Variants in ZFAND3 observed in about 807,000 individuals in gnomAD.
ZFAND3 encodes AN1-type zinc finger protein 3.
A neutral mutation model predicts 29.6 loss-of-function variants in ZFAND3; 10 were observed. The observed-to-expected ratio is 0.34, with a 90% CI of 0.21 to 0.57. The LOEUF (loss-of-function observed/expected upper bound fraction) is 0.57, where lower values mean the gene tolerates loss of function less well. ZFAND3 is among the 20% of genes least tolerant of loss of function. The pLI, the probability that ZFAND3 is intolerant of heterozygous loss-of-function variation, is 0.86. For synonymous variants in ZFAND3, 128 were observed against 112.6 expected, an observed-to-expected ratio of 1.14 and a Z score of -0.87; for missense variants, 230 against 304.5, an observed-to-expected ratio of 0.76 and a Z score of 1.82.
intron 4 of ZFAND3, among the ~76,000 whole-genome samples, chr6:38,089,121 C>CT (rs141133204): frequency 0.032 from 4,866 of 151,948 alleles, 205 homozygotes; most frequent in African/African-American, 0.094. Flanking sequence ...TGACTCACTT[C>CT]TTTTTTTATT....
At chr6:37,954,545 T>C (rs1199896662) in intron 2 of ZFAND3, among the ~76,000 whole-genome samples, 1 of 152,214 alleles carries the variant, frequency 6.6e-6, no homozygotes, top group Non-Finnish European at 1.5e-5. Flanking sequence ...GTCTCCCGTC[T>C]AGCTTTTTGC....
intron 2 of ZFAND3, among the ~76,000 whole-genome samples, chr6:37,975,796 ATAAT>A (rs1762467823): frequency 6.6e-6 from 1 of 152,158 alleles, no homozygotes. Context: ...AAACTTTATA[ATAAT>A]TCTTGAAATC....
At chr6:37,836,972 T>C (rs1368690301) in intron 1 of ZFAND3, among the ~76,000 whole-genome samples, 1 of 152,212 alleles carries the variant, frequency 6.6e-6, no homozygotes. Context: ...TATAAATATT[T>C]AGATGTCTTT....
At chr6:38,016,367 A>G (rs1235944637) in intron 2 of ZFAND3, among the ~76,000 whole-genome samples, 2 of 152,206 alleles carry the variant, frequency 1.3e-5, no homozygotes, top group Non-Finnish European at 2.9e-5. Context: ...GAACCATGGG[A>G]CGATATGTTA....
At chr6:37,954,789 T>A (rs1206239654) in intron 2 of ZFAND3, among the ~76,000 whole-genome samples, 1 of 152,236 alleles carries the variant, frequency 6.6e-6, no homozygotes, top group East Asian at 1.9e-4. Flanking sequence ...CTTGAATTTA[T>A]TATTTGTTAG....
intron 2 of ZFAND3, among the ~76,000 whole-genome samples, chr6:38,001,067 T>C (rs768352008): frequency 6.6e-6 from 1 of 152,214 alleles, no homozygotes; most frequent in Non-Finnish European, 1.5e-5. Flanking sequence ...GGTTGAAGAA[T>C]GCAGGGTAAT....
chr6:37,838,400 A>G (rs1296927086), intron 1 of ZFAND3, among the ~76,000 whole-genome samples: 2 of 152,204 alleles, frequency 1.3e-5, no homozygotes, highest in Non-Finnish European at 2.9e-5. Flanking sequence ...AACCATCACT[A>G]CTGTCTTAAT....
chr6:38,145,921 C>T (rs866291559), intron 5 of ZFAND3, among the ~76,000 whole-genome samples: 36 of 152,346 alleles, frequency 2.4e-4, no homozygotes, highest in African/African-American at 5.1e-4. Flanking sequence ...AAAACTGCCT[C>T]CTGCTTTTCT....
intron 2 of ZFAND3, among the ~76,000 whole-genome samples, chr6:37,956,399 A>G (rs1295251183): frequency 6.6e-6 from 1 of 152,196 alleles, no homozygotes; most frequent in Non-Finnish European, 1.5e-5. Flanking sequence ...AAGTAAATAG[A>G]ACACAAAGGA....
intron 2 of ZFAND3, among the ~76,000 whole-genome samples, chr6:37,938,275 A>G (rs11757359): frequency 0.067 from 10,204 of 152,304 alleles, 407 homozygotes; most frequent in Non-Finnish European, 0.085. Flanking sequence ...ATTAATGTCT[A>G]GATTTACCTA....
intron 1 of ZFAND3, among the ~76,000 whole-genome samples, chr6:37,896,416 T>A (rs1450802884): frequency 1.3e-5 from 2 of 152,138 alleles, no homozygotes; most frequent in Non-Finnish European, 2.9e-5. Flanking sequence ...TATTGTACCA[T>A]GGTATTTTAT....
At chr6:38,071,716 A>G (rs938532649) in intron 3 of ZFAND3, among the ~76,000 whole-genome samples, 4 of 152,126 alleles carry the variant, frequency 2.6e-5, no homozygotes, top group African/African-American at 7.2e-5. Context: ...ACCTTCTTCT[A>G]TGTTCTTGGC....
At chr6:38,062,983 G>C (rs992432065) in intron 3 of ZFAND3, among the ~76,000 whole-genome samples, 1 of 151,762 alleles carries the variant, frequency 6.6e-6, no homozygotes, top group Non-Finnish European at 1.5e-5. Flanking sequence ...CAGCTACTTG[G>C]GAAGCTGAGG....
intron 5 of ZFAND3, among the ~76,000 whole-genome samples, chr6:38,137,212 G>A (rs754217112): frequency 3.9e-5 from 6 of 152,250 alleles, no homozygotes; most frequent in African/African-American, 7.2e-5. Context: ...TATGAATAAC[G>A]GCAATAGAAA....
At chr6:38,046,290 C>A (rs954781588) in intron 2 of ZFAND3, among the ~76,000 whole-genome samples, 1 of 152,156 alleles carries the variant, frequency 6.6e-6, no homozygotes, top group Non-Finnish European at 1.5e-5. Context: ...AGAACTTGAT[C>A]GTTTAATTTG....
At chr6:37,839,850 T>C (rs1337315241) in intron 1 of ZFAND3, among the ~76,000 whole-genome samples, 1 of 152,116 alleles carries the variant, frequency 6.6e-6, no homozygotes, top group Non-Finnish European at 1.5e-5. Context: ...TTACTAGTTA[T>C]TTATCAGATA....
In ZFAND3 at chr6:38,144,214, A is replaced by T. The variant is rs1247364011; in HGVS notation, c.530-8021A>T. ...ATATATATATATATATATATATAATATATAATATATATATATATTTTTTTT... is the reference window on the plus strand; with the variant it reads ...ATATATATATATATATATATATAATTTATAATATATATATATATTTTTTTT... On this transcript the variant is annotated intron_variant, in intron 5 of 5. Transcript: ENST00000287218. Among the ~76,000 whole-genome samples, 9 of 47,634 alleles carry T rather than the reference A, an allele frequency of 1.9e-4. No homozygotes were observed. The South Asian group carries it at 2.1e-3, about 11-fold the overall frequency. The allele number at this position is 47,634 out of a possible 152,430, so 31.2% of individuals were successfully genotyped here. A position where few individuals can be genotyped will look rare whatever the true frequency, so the allele number is the denominator to read the frequency against.
At chr6:38,140,481 C>T (rs778681372) in intron 5 of ZFAND3, among the ~76,000 whole-genome samples, 6 of 150,912 alleles carry the variant, frequency 4.0e-5, no homozygotes, top group Admixed American at 1.3e-4. Context: ...TTTCAGGCTC[C>T]ATTCGTAGGG....
At chr6:38,056,408 C>A (rs1158872999) in intron 2 of ZFAND3, among the ~76,000 whole-genome samples, 4 of 152,156 alleles carry the variant, frequency 2.6e-5, no homozygotes, top group Non-Finnish European at 5.9e-5. Context: ...TTGAAGAAAT[C>A]ATTCTGAAAG....
Sources: gnomAD v4.1 joint callset for allele counts (sites outside exome capture counted in the v4.1 genomes callset) on GRCh38, gnomAD v4.1.1 for gene constraint, MANE v1.5 for transcripts, NCBI Gene and HGNC (gene_info 2026-07-23, HGNC 2026-07-21) for gene names.